The following FHOD3 variants were observed in gnomAD, a reference collection of about 807,000 sequenced individuals.
The protein encoded by FHOD3 is FH1/FH2 domain-containing protein 3.
Under a neutral mutation model 173.0 loss-of-function variants are expected in FHOD3, and 90 were observed. The observed-to-expected ratio is 0.52, with a 90% confidence interval of 0.44 to 0.62. The LOEUF (loss-of-function observed/expected upper bound fraction) is 0.62. FHOD3 is among the 20% of genes least tolerant of loss of function. The pLI, the probability that FHOD3 is intolerant of heterozygous loss-of-function variation, is 0.00. For missense variants in FHOD3, 1,945 were observed against 2,034.7 expected (o/e 0.96, Z 0.85); for synonymous variants, 828 against 823.0 (o/e 1.01, Z -0.10).
intron 8 of FHOD3, among the ~76,000 whole-genome samples, chr18:36,607,828 C>G (rs2032245184): frequency 6.6e-6 from 1 of 152,124 alleles, no homozygotes; most frequent in Non-Finnish European, 1.5e-5. Flanking sequence ...CAGCCAAGTT[C>G]TTGCCACTTT....
At chr18:36,421,351 C>A (rs1461541817) in intron 3 of FHOD3, among the ~76,000 whole-genome samples, 1 of 152,146 alleles carries the variant, frequency 6.6e-6, no homozygotes, top group African/African-American at 2.4e-5. Context: ...ACCAATGAGG[C>A]ATCTGGATAG....
At chr18:36,650,244 G>T (rs2035960246) in intron 11 of FHOD3, among the ~76,000 whole-genome samples, 1 of 151,736 alleles carries the variant, frequency 6.6e-6, no homozygotes, top group Non-Finnish European at 1.5e-5. Context: ...AAATCAAATG[G>T]ATCTTGGATG....
In FHOD3 at chr18:36,519,490, T is replaced by A. The variant is rs564656202; in HGVS notation, c.511+6947T>A. On this transcript the variant is annotated intron_variant, in intron 5 of 28. Transcript: ENST00000590592. ...TCATTTGGGTAGATTTGGAGGAGGG[T>A]GGTTTGGAGGCTCCTCGCTGTGCTT... 5.9e-5 allele frequency among the ~76,000 whole-genome samples: 9 copies of A among 152,024 alleles called. No homozygotes were observed. In the South Asian group the frequency reaches 1.9e-3, roughly 32 times the overall value.
At chr18:36,615,597 T>G (rs2033122790) in intron 9 of FHOD3, among the ~76,000 whole-genome samples, 1 of 152,200 alleles carries the variant, frequency 6.6e-6, no homozygotes, top group Admixed American at 6.5e-5. Flanking sequence ...GTTTAAGAAT[T>G]TAATGTTTTA....
In FHOD3 at chr18:36,758,622, G is replaced by T. The variant is rs2150241047; in HGVS notation, c.4426-496G>T. 1.3e-5 allele frequency among the ~76,000 whole-genome samples: 2 copies of T among 152,318 alleles called. 1 individual carries two copies. The highest frequency in any genetic ancestry group is 4.1e-4 in the South Asian group (2 of 4,820). ...CAGAACCAGCAGCCTGGGCAGGGAG[G>T]GATCCTGCGCTCGGGATGGGATGGG... On this transcript the variant is annotated intron_variant, in intron 25 of 28. Transcript: ENST00000590592.
intron 20 of FHOD3, among the ~76,000 whole-genome samples, chr18:36,732,063 C>G (rs2041390753): frequency 6.6e-6 from 1 of 152,190 alleles, no homozygotes; most frequent in African/African-American, 2.4e-5. Flanking sequence ...AGTTTGAACA[C>G]AGAGAGGAGA....
intron 17 of FHOD3, among the ~76,000 whole-genome samples, chr18:36,700,790 A>ACC (rs146001193): frequency 2.6e-5 from 4 of 151,772 alleles, no homozygotes; most frequent in African/African-American, 9.7e-5. Flanking sequence ...CACCACAGCC[A>ACC]CCCCCCAACA....
chr18:36,716,908 A>ATGTGTGTG (rs1345159982), intron 18 of FHOD3, among the ~76,000 whole-genome samples: 3 of 135,254 alleles, frequency 2.2e-5, no homozygotes, highest in African/African-American at 9.4e-5. Context: ...GAAATTATAT[A>ATGTGTGTG]TGTGTATGTG....
chr18:36,580,282 T>C (rs935401187), intron 6 of FHOD3, among the ~76,000 whole-genome samples: 4 of 152,188 alleles, frequency 2.6e-5, no homozygotes, highest in Non-Finnish European at 4.4e-5. Context: ...TCCCTAGCCA[T>C]TTGGGCCGTC....
intron 24 of FHOD3, among the ~76,000 whole-genome samples, chr18:36,754,622 A>T (rs1009007071): frequency 1.3e-5 from 2 of 152,120 alleles, no homozygotes; most frequent in Non-Finnish European, 2.9e-5. Context: ...CATGTTATTC[A>T]TAATATGTTC....
At position 36,537,020 on chromosome 18, in the gene FHOD3, C is replaced by T. The variant is rs77816124; in HGVS notation, c.511+24477C>T. Among the ~76,000 whole-genome samples the T allele has an allele frequency of 9.3e-3, 1,413 of 152,192 alleles. 22 individuals carry two copies. The highest frequency in any genetic ancestry group is 0.031 in the African/African-American group (1,275 of 41,510). On this transcript the variant is annotated intron_variant, in intron 5 of 28. Coordinates refer to ENST00000590592, the MANE Select transcript of FHOD3 (RefSeq NM_001281740.3). ...TGAAATCTGATGTGATCTTGGTTTCCCTTAAGTCCAAGTTCTCTCATTTTC... is the reference window on the plus strand; with the variant it reads ...TGAAATCTGATGTGATCTTGGTTTCTCTTAAGTCCAAGTTCTCTCATTTTC...
chr18:36,323,028 A>T (rs1598710544), intron 1 of FHOD3, among the ~76,000 whole-genome samples: 1 of 152,162 alleles, frequency 6.6e-6, no homozygotes, highest in Non-Finnish European at 1.5e-5. Context: ...TCCCACAGAC[A>T]CGCTTGCAAT....
intron 3 of FHOD3, among the ~76,000 whole-genome samples, chr18:36,467,101 C>T (rs911741463): frequency 5.9e-5 from 9 of 152,106 alleles, no homozygotes; most frequent in African/African-American, 4.8e-5. Flanking sequence ...TGCTGACCAG[C>T]GAGTCTCCAG....
rs142619511 is a variant in FHOD3, at chr18:36,614,080, G to A, written c.957+1985G>A. Among the ~76,000 whole-genome samples the A allele has an allele frequency of 9.6e-4, 146 of 152,202 alleles. 1 individual carries two copies. Among genetic ancestry groups the A allele is most frequent in the African/African-American group, 3.4e-3 (142 of 41,534 alleles). On this transcript the variant is annotated intron_variant, in intron 9 of 28. Coordinates refer to ENST00000590592, the MANE Select transcript of FHOD3 (RefSeq NM_001281740.3). ...TGGTTTTTAGCATATTCACAAGGTT[G>A]TACAATCATCACCACTATCATATTT...
intron 5 of FHOD3, among the ~76,000 whole-genome samples, chr18:36,559,920 C>A (rs545478059): frequency 6.6e-6 from 1 of 152,256 alleles, no homozygotes; most frequent in African/African-American, 2.4e-5. Flanking sequence ...TGACCCTTAC[C>A]TTTCTCTGTG....
intron 17 of FHOD3, among the ~76,000 whole-genome samples, chr18:36,699,215 A>G (rs554006274): frequency 6.6e-6 from 1 of 152,366 alleles, no homozygotes; most frequent in African/African-American, 2.4e-5. Flanking sequence ...AACCTTTACT[A>G]TGAAATTTGT....
intron 3 of FHOD3, among the ~76,000 whole-genome samples, chr18:36,457,622 A>C (rs1418019606): frequency 6.6e-6 from 1 of 152,228 alleles, no homozygotes; most frequent in Non-Finnish European, 1.5e-5. Context: ...AGAGTTGACC[A>C]ATCTTGCCTG....
At chr18:36,763,087 ATAAT>A (rs1366330887) in intron 27 of FHOD3, among the ~76,000 whole-genome samples, 1 of 148,458 alleles carries the variant, frequency 6.7e-6, no homozygotes, top group Non-Finnish European at 1.5e-5. Context: ...CACGTTATAT[ATAAT>A]ATGCGTATTA....
intron 28 of FHOD3, among the ~76,000 whole-genome samples, chr18:36,772,840 C>T (rs2043449369): frequency 6.6e-6 from 1 of 152,228 alleles, no homozygotes; most frequent in South Asian, 2.1e-4. Flanking sequence ...GGTGCCCACC[C>T]TGCCCCAGAT....
Sources: allele counts gnomAD v4.1 joint callset (sites outside exome capture counted in the v4.1 genomes callset), GRCh38; gene constraint gnomAD v4.1.1; transcripts MANE v1.5; gene names NCBI Gene and HGNC (gene_info 2026-07-23, HGNC 2026-07-21).